PRR11: variants seen among roughly 807,000 people sequenced by gnomAD.
The protein encoded by PRR11 is proline-rich protein 11.
In PRR11, 30 loss-of-function variants were observed where a neutral mutation model predicts 45.6. The observed-to-expected ratio is 0.66, with a 90% CI of 0.49 to 0.89. The LOEUF (loss-of-function observed/expected upper bound fraction) is 0.89. Ranked by LOEUF, PRR11 falls within the 40% of genes least tolerant of loss-of-function variation. The pLI, the probability that PRR11 is intolerant of heterozygous loss-of-function variation, is 0.00. For missense variants in PRR11, 373 were observed against 424.8 expected (o/e 0.88, Z 1.07); for synonymous variants, 128 against 153.5 (o/e 0.83, Z 1.23).
At position 59,162,822 on chromosome 17, in the gene PRR11, G is replaced by A. The variant is rs1459095466; in HGVS notation, c.-5-6926G>A. Among the ~76,000 whole-genome samples, 5 of 146,606 alleles carry A rather than the reference G, an allele frequency of 3.4e-5. No individual in the cohort carries two copies. The Admixed American group carries it at 3.5e-4, about 10-fold the overall frequency. On this transcript the variant is annotated intron_variant, in intron 1 of 9. Coordinates refer to ENST00000262293, the MANE Select transcript of PRR11 (RefSeq NM_018304.4). ...CGGCTCACCGCAACCTCCACCTCCT[G>A]GGTTCAAACGATTCTTCTGCCTCAG... is the stretch of plus-strand genomic sequence containing the variant.
chr17:59,181,799 AGACCCC>A (rs890293231), intron 2 of PRR11: 10 of 1,543,890 alleles, frequency 6.5e-6, no homozygotes, highest in Middle Eastern at 2.3e-4. Flanking sequence ...TGATCACCTT[AGACCCC>A]GACCCCGACC....
At chr17:59,177,738 G>A (rs1241251533) in intron 2 of PRR11, among the ~76,000 whole-genome samples, 2 of 152,166 alleles carry the variant, frequency 1.3e-5, no homozygotes, top group African/African-American at 4.8e-5. Flanking sequence ...AAGAATAGCC[G>A]GGAGTGGCAG....
intron 2 of PRR11, among the ~76,000 whole-genome samples, chr17:59,174,519 G>A (rs1164868361): frequency 6.6e-6 from 1 of 152,088 alleles, no homozygotes; most frequent in Non-Finnish European, 1.5e-5. Context: ...TCTGTTGCTC[G>A]GGCTGGAGTG....
Position 59,193,579 on chromosome 17 carries a change from A to T in PRR11, c.490A>T (p.Ile164Phe), listed in dbSNP as rs138323377. The T allele has an allele frequency of 5.6e-6, 9 of 1,613,910 alleles. No homozygotes were observed. The highest frequency in any genetic ancestry group is 7.6e-6 in the Non-Finnish European group (9 of 1,180,014). Residue 164 changes from isoleucine to phenylalanine, a missense_variant, in exon 5 of 10, where the codon ATC becomes TTC. Physicochemically the swap from Ile to Phe is conservative, Grantham distance 21 (BLOSUM62 0). Coordinates refer to ENST00000262293, the MANE Select transcript of PRR11 (RefSeq NM_018304.4). Reference protein sequence around the residue: ...KLTNVPACVLITPGDSKAVLP... With the variant: ...KLTNVPACVLFTPGDSKAVLP... Reference sequence around the variant, plus strand: ...TACAAATGTGCCTGCCTGCGTTCTGATCACCCCTGGAGACTCCAAAGCTGT... The same window carrying T: ...TACAAATGTGCCTGCCTGCGTTCTGTTCACCCCTGGAGACTCCAAAGCTGT...
chr17:59,167,171 A>G (rs895056623), intron 1 of PRR11, among the ~76,000 whole-genome samples: 1 of 152,202 alleles, frequency 6.6e-6, no homozygotes, highest in African/African-American at 2.4e-5. Flanking sequence ...CTCTAAATAA[A>G]TAAATAAATT....
At chr17:59,168,604 C>A (rs1166682699) in intron 1 of PRR11, among the ~76,000 whole-genome samples, 1 of 151,926 alleles carries the variant, frequency 6.6e-6, no homozygotes, top group Non-Finnish European at 1.5e-5. Context: ...GCAGGAGAAT[C>A]ATTTGAACCT....
chr17:59,186,118 T>TTTTG (rs892169021), intron 4 of PRR11, among the ~76,000 whole-genome samples: 4 of 152,014 alleles, frequency 2.6e-5, no homozygotes, highest in South Asian at 2.1e-4. Context: ...GTGGGAAGAT[T>TTTTG]TTTGTTTGTT....
At chr17:59,174,575 C>T (rs1332835638) in intron 2 of PRR11, among the ~76,000 whole-genome samples, 2 of 152,192 alleles carry the variant, frequency 1.3e-5, no homozygotes, top group Non-Finnish European at 2.9e-5. Flanking sequence ...TCCCAGGCTC[C>T]AGTGATCCTC....
intron 1 of PRR11, among the ~76,000 whole-genome samples, chr17:59,158,111 T>A (rs1268474998): frequency 1.3e-5 from 2 of 152,152 alleles, no homozygotes; most frequent in African/African-American, 4.8e-5. Context: ...TCAGTTCTGG[T>A]ATGGAAAATG....
intron 1 of PRR11, among the ~76,000 whole-genome samples, chr17:59,164,520 G>A (rs1050687911): frequency 3.3e-5 from 5 of 151,918 alleles, no homozygotes; most frequent in Non-Finnish European, 7.4e-5. Context: ...AAAGAATGGG[G>A]GAGGACTGTG....
rs2074830585 is a variant in PRR11 at position 59,169,607 on chromosome 17, T to C, written c.-5-141T>C. On this transcript the variant is annotated intron_variant, in intron 1 of 9. Coordinates refer to ENST00000262293, the MANE Select transcript of PRR11 (RefSeq NM_018304.4). The stretch of plus-strand genomic sequence containing the variant: ...CTTCAGGGCTCTTCTGGGATGCTGG[T>C]AGTGACCTATTTCTTAACCAAGATG... The C allele has an allele frequency of 5.8e-6, 4 of 693,664 alleles. No homozygotes were observed. The South Asian group carries it at 7.6e-5, about 13-fold the overall frequency. The allele number at this position is 693,664 out of a possible 1,614,324, so 43.0% of individuals were successfully genotyped here. A position where few individuals can be genotyped will look rare whatever the true frequency, so the allele number is the denominator to read the frequency against.
intron 4 of PRR11, among the ~76,000 whole-genome samples, chr17:59,188,209 A>G (rs6503901): frequency 0.033 from 5,080 of 152,244 alleles, 316 homozygotes; most frequent in African/African-American, 0.12. Context: ...TGCCACACAC[A>G]AAAAACAGAA....
chr17:59,169,449 CT>C (rs2147837044), intron 1 of PRR11, among the ~76,000 whole-genome samples: 1 of 152,092 alleles, frequency 6.6e-6, no homozygotes, highest in Admixed American at 6.6e-5. Context: ...ATTTTCGCTA[CT>C]ATAAAGAAAG....
In PRR11 at chr17:59,189,127, C is replaced by T. The variant is rs946004863; in HGVS notation, c.402+3565C>T. 4.6e-5 allele frequency among the ~76,000 whole-genome samples: 7 copies of T among 150,922 alleles called. No individual in the cohort carries two copies. In the East Asian group the frequency reaches 1.0e-3, roughly 21 times the overall value. The stretch of plus-strand genomic sequence containing the variant: ...CATCCTAGCCAACATGATGAAACCC[C>T]CTCTCTACTAAAAAACACAAAAATT... On this transcript the variant is annotated intron_variant, in intron 4 of 9. Transcript: ENST00000262293.
rs117205411 is a variant in PRR11 at position 59,181,925 on chromosome 17, C to G, written c.129-3129C>G. On this transcript the variant is annotated intron_variant, in intron 2 of 9. Coordinates refer to ENST00000262293, the MANE Select transcript of PRR11 (RefSeq NM_018304.4). ...AACCCCATGAGCCGCTCCTTCCCCT[C>G]CCCATTCTTCCGTATCTCTGTCCTC... 4,597 of 1,127,266 alleles carry G rather than the reference C, an allele frequency of 4.1e-3. 16 individuals carry two copies. The highest frequency in any genetic ancestry group is 4.8e-3 in the Non-Finnish European group (3,927 of 815,674). The allele number at this position is 1,127,266 out of a possible 1,614,324, so 69.8% of individuals were successfully genotyped here. A position where few individuals can be genotyped will look rare whatever the true frequency, so the allele number is the denominator to read the frequency against.
intron 2 of PRR11, among the ~76,000 whole-genome samples, chr17:59,173,310 AAGC>A (rs1168800997): frequency 6.6e-6 from 1 of 152,156 alleles, no homozygotes; most frequent in Non-Finnish European, 1.5e-5. Context: ...ATAAGAATAA[AAGC>A]AGGCTGCCCA....
chr17:59,176,859 G>A lies in PRR11; in HGVS notation c.128+6979G>A, dbSNP rs140004989. Among the ~76,000 whole-genome samples the A allele has an allele frequency of 5.3e-3, 802 of 151,904 alleles. 11 individuals carry two copies. The highest frequency in any genetic ancestry group is 0.018 in the African/African-American group (754 of 41,426). On this transcript the variant is annotated intron_variant, in intron 2 of 9. Transcript: ENST00000262293. ...TTACAGGTGCACACCACCATGCCTG[G>A]CTAATTTTTCTATTTTTAGTAGAGA...
At chr17:59,170,185 G>A (rs375038307) in intron 2 of PRR11, among the ~76,000 whole-genome samples, 2 of 151,810 alleles carry the variant, frequency 1.3e-5, no homozygotes, top group South Asian at 4.2e-4. Context: ...CAGAGAGGCA[G>A]AGGTTGCAGT....
intron 2 of PRR11, chr17:59,177,168 C>G (rs1315018257): frequency 3.6e-6 from 2 of 550,220 alleles, no homozygotes; most frequent in African/African-American, 3.8e-5. Flanking sequence ...AAACCACTCA[C>G]AGAGCCAGGA....
Sources: allele counts gnomAD v4.1 joint callset (sites outside exome capture counted in the v4.1 genomes callset), GRCh38; gene constraint gnomAD v4.1.1; transcripts MANE v1.5; gene names NCBI Gene and HGNC (gene_info 2026-07-23, HGNC 2026-07-21).